The following PLEKHA8 variants were observed in gnomAD, a reference collection of about 807,000 sequenced individuals.
PLEKHA8 encodes pleckstrin homology domain-containing family A member 8.
In PLEKHA8, 36 loss-of-function variants were observed where a neutral mutation model predicts 68.2. The observed-to-expected ratio is 0.53, with a 90% CI of 0.40 to 0.70. PLEKHA8 has a LOEUF of 0.70. Among genes scored for constraint, PLEKHA8 ranks in the 30% least tolerant of loss-of-function variants. The pLI, the probability that PLEKHA8 is intolerant of heterozygous loss-of-function variation, is 0.00. For missense variants in PLEKHA8, 505 were observed against 615.4 expected (o/e 0.82, Z 1.90); for synonymous variants, 211 against 216.1 (o/e 0.98, Z 0.20).
intron 13 of PLEKHA8, among the ~76,000 whole-genome samples, chr7:30,112,241 A>G (rs1004561795): frequency 6.6e-6 from 1 of 152,222 alleles, no homozygotes. Flanking sequence ...GCAAATTCAC[A>G]GTCAGTATGG....
intron 13 of PLEKHA8, among the ~76,000 whole-genome samples, chr7:30,115,430 A>ATATACATATATACATGTATATATG (rs1268848353): frequency 5.3e-5 from 8 of 152,030 alleles, no homozygotes. Flanking sequence ...ATGTGTTTAG[A>ATATACATATATACATGTATATATG]TATACATATA....
intron 12 of PLEKHA8, among the ~76,000 whole-genome samples, chr7:30,065,505 T>C (rs950798341): frequency 4.1e-5 from 6 of 146,058 alleles, no homozygotes; most frequent in African/African-American, 7.5e-5. Flanking sequence ...ACTCAGAACC[T>C]GTAGGCTCCT....
At chr7:30,097,226 GT>G (rs1795654733) in intron 13 of PLEKHA8, among the ~76,000 whole-genome samples, 2 of 152,168 alleles carry the variant, frequency 1.3e-5, no homozygotes, top group South Asian at 4.1e-4. Context: ...CCCTTTGTGG[GT>G]ATCCCGATCT....
intron 7 of PLEKHA8, 101 bp downstream of exon 7, chr7:30,052,967 A>AG: frequency 2.1e-6 from 2 of 946,608 alleles, no homozygotes; most frequent in South Asian, 3.6e-5. Context: ...AAGACCATGT[A>AG]GTAGTGTCTG....
intron 13 of PLEKHA8, among the ~76,000 whole-genome samples, chr7:30,101,565 G>T (rs1795855835): frequency 1.3e-5 from 2 of 152,116 alleles, no homozygotes; most frequent in Non-Finnish European, 2.9e-5. Context: ...TGAGAGTCCT[G>T]CCTTCATGAT....
exon 13 of PLEKHA8, chr7:30,090,235 C>G: frequency 3.3e-6 from 5 of 1,534,118 alleles, no homozygotes; most frequent in Non-Finnish European, 4.4e-6. Flanking sequence ...AATTCCTCAC[C>G]ATTCAGGCAG....
chr7:30,111,180 CG>C (rs910517452), intron 13 of PLEKHA8, among the ~76,000 whole-genome samples: 2 of 152,074 alleles, frequency 1.3e-5, no homozygotes, highest in African/African-American at 4.8e-5. Context: ...CTGGATTACA[CG>C]CATGAGCCAT....
At chr7:30,029,042 C>G (rs1790443922) in intron 1 of PLEKHA8, among the ~76,000 whole-genome samples, 1 of 152,170 alleles carries the variant, frequency 6.6e-6, no homozygotes, top group African/African-American at 2.4e-5. Flanking sequence ...AGGAAGGCTA[C>G]AAAGACTGAG....
chr7:30,115,761 T>G (rs147986765), intron 13 of PLEKHA8: 3 of 148,410 alleles, frequency 2.0e-5, no homozygotes, highest in Admixed American at 6.7e-5. Flanking sequence ...TGCACATACA[T>G]GTATACACGT....
rs767411374 is a variant in PLEKHA8 at position 30,047,826 on chromosome 7, A to T, written c.314-6A>T. On this transcript the variant is annotated splice_polypyrimidine_tract_variant and splice_region_variant and intron_variant, in intron 3 of 13. Transcript: ENST00000449726. Reference sequence around the variant, plus strand: ...GTTACTGCATTATCATCATTTTGTCATTTAGAGTTTGCTGAAAACACTGAA... The same window carrying T: ...GTTACTGCATTATCATCATTTTGTCTTTTAGAGTTTGCTGAAAACACTGAA... The T allele has an allele frequency of 6.2e-7, 1 of 1,608,798 alleles. No individual in the cohort carries two copies. Among genetic ancestry groups the T allele is most frequent in the African/African-American group, 1.3e-5 (1 of 74,766 alleles).
At chr7:30,089,191 C>T (rs916082577), downstream of PLEKHA8, among the ~76,000 whole-genome samples, 1 of 152,162 alleles carries the variant, frequency 6.6e-6, no homozygotes, top group African/African-American at 2.4e-5. Flanking sequence ...CACGAACAGG[C>T]TGGGCTCATA....
At chr7:30,115,606 A>G (rs1796421550) in intron 13 of PLEKHA8, among the ~76,000 whole-genome samples, 1 of 150,836 alleles carries the variant, frequency 6.6e-6, no homozygotes, top group Admixed American at 6.6e-5. Context: ...GTATACATAC[A>G]TTTATACATG....
chr7:30,108,083 A>AAAAAAAAAAAAAAAAAAAAAAC (rs780069387), intron 13 of PLEKHA8, among the ~76,000 whole-genome samples: 8 of 144,552 alleles, frequency 5.5e-5, no homozygotes, highest in Non-Finnish European at 1.2e-4. Flanking sequence ...AAAAAAAAAA[A>AAAAAAAAAAAAAAAAAAAAAAC]AAAAAAAAAC....
intron 1 of PLEKHA8, among the ~76,000 whole-genome samples, chr7:30,031,265 T>C (rs942071578): frequency 1.3e-5 from 2 of 152,138 alleles, no homozygotes; most frequent in African/African-American, 4.8e-5. Context: ...TGTTTCATTG[T>C]GTGTGATTGA....
intron 1 of PLEKHA8, among the ~76,000 whole-genome samples, chr7:30,029,117 C>T (rs536065903): frequency 6.6e-6 from 1 of 152,354 alleles, no homozygotes; most frequent in African/African-American, 2.4e-5. Context: ...AGACGCCCCG[C>T]CGTGGGGTTC....
chr7:30,047,488 G>C (rs1792049957), intron 3 of PLEKHA8, among the ~76,000 whole-genome samples: 1 of 152,126 alleles, frequency 6.6e-6, no homozygotes, highest in Non-Finnish European at 1.5e-5. Context: ...AAACTCTCTG[G>C]CAGAACTGAG....
At chr7:30,100,863 A>G (rs1162657445) in intron 13 of PLEKHA8, among the ~76,000 whole-genome samples, 1 of 152,218 alleles carries the variant, frequency 6.6e-6, no homozygotes, top group East Asian at 1.9e-4. Flanking sequence ...TAATAGCTAA[A>G]TGTAGGATGT....
Position 30,099,331 on chromosome 7 carries a change from C to A in PLEKHA8, c.1362+25199C>A, listed in dbSNP as rs559722931. On this transcript the variant is annotated intron_variant, in intron 13 of 13. Transcript: ENST00000396257. ...AGAAATACATCAGAAACACTCTGCTCTCCAGGAATGTGCAGTGTAGTAATG... is the reference window on the plus strand; with the variant it reads ...AGAAATACATCAGAAACACTCTGCTATCCAGGAATGTGCAGTGTAGTAATG... Among the ~76,000 whole-genome samples, 47 of 152,322 alleles carry A rather than the reference C, an allele frequency of 3.1e-4. No homozygotes were observed. The South Asian group carries it at 8.9e-3, about 29-fold the overall frequency.
rs1045099370 is a variant in PLEKHA8, at chr7:30,045,182, G to A, written c.138G>A (p.Met46Ile). 2.5e-6 allele frequency: 4 copies of A among 1,604,182 alleles called. No individual in the cohort carries two copies. The change falls in exon 2 of 14, where the codon ATG (methionine) becomes ATA (isoleucine). Residue 46 changes from methionine to isoleucine, a missense_variant. Physicochemically the swap from Met to Ile is conservative, Grantham distance 10 (BLOSUM62 1). Coordinates refer to ENST00000449726, the MANE Select transcript of PLEKHA8 (RefSeq NM_001197026.2). ...AAGGTTGCAAAGGGAGCATACAAATGGCAGTCTGTGAAATTCAAGGTGAGA... is the reference window on the plus strand; with the variant it reads ...AAGGTTGCAAAGGGAGCATACAAATAGCAGTCTGTGAAATTCAAGGTGAGA... ...AWKGCKGSIQ[M>I]AVCEIQVHSV...
Sources: allele counts gnomAD v4.1 joint callset (sites outside exome capture counted in the v4.1 genomes callset), GRCh38; gene constraint gnomAD v4.1.1; transcripts MANE v1.5; gene names NCBI Gene and HGNC (gene_info 2026-07-23, HGNC 2026-07-21).